The following ZNF219 variants were observed in gnomAD, a reference collection of about 807,000 sequenced individuals.
The protein encoded by ZNF219 is zinc finger protein 219.
ZNF219 carries 17 observed loss-of-function variants against 54.4 expected under a neutral mutation model. That is an observed-to-expected ratio of 0.31 (90% CI 0.21 to 0.47). The LOEUF is 0.47. Among genes scored for constraint, ZNF219 ranks in the 20% least tolerant of loss-of-function variants. The probability of loss-of-function intolerance (pLI) is 1.00; values close to 1 mark genes in which losing one functional copy is unlikely to be tolerated. For missense variants in ZNF219, 1,014 were observed against 1,062.3 expected (o/e 0.95, Z 0.63); for synonymous variants, 518 against 476.4 (o/e 1.09, Z -1.14).
upstream of ZNF219, chr14:21,103,273 G>A (rs1302806887): frequency 6.5e-7 from 1 of 1,548,898 alleles, no homozygotes; most frequent in Non-Finnish European, 8.7e-7. Flanking sequence ...ATGCTCTCCA[G>A]ACATTCCTGC....
Position 21,092,397 on chromosome 14 carries a change from G to T in ZNF219, c.900C>A (p.Phe300Leu). 1 of 1,570,522 alleles carries T rather than the reference G, an allele frequency of 6.4e-7. No homozygotes were observed. The highest frequency in any genetic ancestry group is 8.6e-7 in the Non-Finnish European group (1 of 1,158,206). Residue 300 changes from phenylalanine (F) to leucine (L), a missense_variant, in exon 3 of 5, where the codon TTC becomes TTA. Coordinates refer to ENST00000360947, the MANE Select transcript of ZNF219 (RefSeq NM_016423.3). ...GGCCGCACACCGGACACGCATGATC[G>T]AAGGAGGCCTTGTGCTTACGCATGT... The part of the protein sequence containing the change: ...KGHMRKHKAS[F>L]DHACPVCGRC...
In ZNF219 at chr14:21,090,199, A is replaced by T; in HGVS notation, c.*337T>A. On this transcript the variant is annotated 3_prime_UTR_variant, in exon 5 of 5. Transcript: ENST00000360947. This position sits in a 1 kb window ranked among gnomAD's most constrained non-coding sequence, Gnocchi z 4.4. ...GGGCTAGAAGGGTACAGTGCCCCCC[A>T]CCCTCACCCCTTGTACAAAAATAAA... The T allele has an allele frequency of 1.9e-6, 1 of 530,734 alleles. No homozygotes were observed. Among genetic ancestry groups the T allele is most frequent in the Non-Finnish European group, 3.6e-6 (1 of 275,614 alleles). The allele number at this position is 530,734 out of a possible 1,614,324, so 32.9% of individuals were successfully genotyped here. A position where few individuals can be genotyped will look rare whatever the true frequency, so the allele number is the denominator to read the frequency against.
upstream of ZNF219, chr14:21,101,062 C>A (rs1889596027): frequency 6.2e-6 from 2 of 324,578 alleles, no homozygotes; most frequent in South Asian, 6.2e-5. Context: ...CCCCACCACA[C>A]CCCATCCCTG....
At position 21,091,020 on chromosome 14, in the gene ZNF219, G is replaced by C; in HGVS notation, c.1685C>G (p.Pro562Arg). The C allele has an allele frequency of 2.6e-6, 4 of 1,554,992 alleles. No individual in the cohort carries two copies. Among genetic ancestry groups the C allele is most frequent in the Non-Finnish European group, 3.5e-6 (4 of 1,156,808 alleles). Residue 562 changes from proline (P) to arginine (R), a missense_variant, in exon 5 of 5, where the codon CCG becomes CGG. By Grantham distance (103) the Pro-to-Arg change is moderately radical. Around this residue, in one of 5 missense-constraint regions of ZNF219, gnomAD observed 281 missense variants for 271.2 expected, o/e 1.04. Coordinates refer to ENST00000360947, the MANE Select transcript of ZNF219 (RefSeq NM_016423.3). ...QRSGAGPGPPPEPPPPSQRGS... is the reference protein window; with the variant it reads ...QRSGAGPGPPREPPPPSQRGS... ...CCGCTGGGAAGGAGGCGGTGGCTCC[G>C]GGGGTGGCCCGGGGCCGGCCCCGCT... is the stretch of plus-strand genomic sequence containing the variant.
intron 2 of ZNF219, 49 bp downstream of exon 2, chr14:21,093,537 G>C: frequency 6.3e-7 from 1 of 1,586,308 alleles, no homozygotes. Context: ...GCAGGAGAGG[G>C]AGTATACAGT....
chr14:21,101,654 G>C (rs776055200), upstream of ZNF219: 57 of 651,168 alleles, frequency 8.8e-5, no homozygotes, highest in Middle Eastern at 8.5e-4. Flanking sequence ...ATCTTGTGGG[G>C]GAAAACATAC....
chr14:21,102,960 A>G (rs12432043), upstream of ZNF219: 792,833 of 1,337,828 alleles, frequency 0.59, 237,246 homozygotes, highest in Middle Eastern at 0.62. Flanking sequence ...GGGTAAGAGG[A>G]AACTGGGAAT....
intron 4 of ZNF219, 125 bp from the exon 5 acceptor site, chr14:21,091,265 T>C: frequency 1.3e-6 from 2 of 1,507,880 alleles, no homozygotes; most frequent in Non-Finnish European, 1.8e-6. Flanking sequence ...CCACCCACTT[T>C]GATTTAATAA....
At position 21,090,893 on chromosome 14, in the gene ZNF219, C is replaced by G; in HGVS notation, c.1812G>C (p.Gly604=). 2 of 1,549,970 alleles carry G rather than the reference C, an allele frequency of 1.3e-6. No homozygotes were observed. The highest frequency in any genetic ancestry group is 1.7e-6 in the Non-Finnish European group (2 of 1,150,394). Residue 604 remains glycine (G), a synonymous_variant, in exon 5 of 5, where the codon GGG becomes GGC. Transcript: ENST00000360947. The surrounding 1 kb of genome is among the most constrained non-coding windows in gnomAD (Gnocchi z 4.4). The part of the protein sequence containing the change: ...PRPPSSGAGP[G]SRRKPASPGR... ...CAGGGCTGGCGGGCTTCCGACGGGACCCCGGCCCAGCACCGCTAGAAGGAG... is the reference window on the plus strand; with the variant it reads ...CAGGGCTGGCGGGCTTCCGACGGGAGCCCGGCCCAGCACCGCTAGAAGGAG...
In ZNF219 at chr14:21,090,849, C is replaced by A; in HGVS notation, c.1856G>T (p.Gly619Val). Reference protein sequence around the residue: ...PASPGRTLRNGRGGEAEPLDL... With the variant: ...PASPGRTLRNVRGGEAEPLDL... Reference sequence around the variant, plus strand: ...CAGGGGTTCGGCCTCACCGCCTCGCCCGTTGCGCAGGGTCCTCCCAGGGCT... The same window carrying A: ...CAGGGGTTCGGCCTCACCGCCTCGCACGTTGCGCAGGGTCCTCCCAGGGCT... Residue 619 changes from glycine to valine, a missense_variant, in exon 5 of 5, where the codon GGG (glycine) becomes GTG (valine). By Grantham distance (109) the Gly-to-Val change is moderately radical. Coordinates refer to ENST00000360947, the MANE Select transcript of ZNF219 (RefSeq NM_016423.3). The surrounding 1 kb of genome is among the most constrained non-coding windows in gnomAD (Gnocchi z 4.4). The A allele has an allele frequency of 6.4e-7, 1 of 1,555,174 alleles. No homozygotes were observed. Among genetic ancestry groups the A allele is most frequent in the South Asian group, 1.2e-5 (1 of 84,516 alleles).
upstream of ZNF219, chr14:21,102,812 A>G (rs1263055380): frequency 6.5e-7 from 1 of 1,540,974 alleles, no homozygotes. Context: ...ACGAATAGCT[A>G]GCTGCCAACT....
chr14:21,091,585 C>A, intron 3 of ZNF219, 43 bp from the exon 4 acceptor site: 1 of 1,571,736 alleles, frequency 6.4e-7, no homozygotes, highest in South Asian at 1.1e-5. Flanking sequence ...GGCCCACACC[C>A]TGTCCAGGTG....
chr14:21,093,186 T>A lies in ZNF219; in HGVS notation c.111A>T (p.Ala37=). The A allele has an allele frequency of 1.9e-6, 3 of 1,609,100 alleles. No homozygotes were observed. Among genetic ancestry groups the A allele is most frequent in the Non-Finnish European group, 2.5e-6 (3 of 1,179,380 alleles). ...TCACCGCTCCCATCCCGAGCGACCC[T>A]GCGCTCACGGCTGGCCCGTTGGAGT... is the stretch of plus-strand genomic sequence containing the variant. ...QRYSNGPAVS[A]GSLGMGAVSW... is the part of the protein sequence containing the mutation. The change falls in exon 3 of 5, where the codon GCA becomes GCT. Residue 37 remains alanine (A), a synonymous_variant. Transcript: ENST00000360947.
rs761881972 is a variant in ZNF219, at chr14:21,093,236, C to T, written c.61G>A (p.Asp21Asn). 6.2e-7 allele frequency: 1 copy of T among 1,601,256 alleles called. No homozygotes were observed. The highest frequency in any genetic ancestry group is 1.7e-5 in the Admixed American group (1 of 59,548). ...GHLAPSPPAF[D>N]GELDLQRYSN... ...TATCGCTGCAGATCCAGCTCGCCGT[C>T]GAAAGCCGGCGGCGACGGCGCTAAG... The change falls in exon 3 of 5, where the codon GAC (aspartate) becomes AAC (asparagine). Residue 21 changes from aspartate to asparagine, a missense_variant. By Grantham distance (23) the Asp-to-Asn change is conservative. Around this residue, in one of 5 missense-constraint regions of ZNF219, gnomAD observed 395 missense variants for 415.1 expected, o/e 0.95. Coordinates refer to ENST00000360947, the MANE Select transcript of ZNF219 (RefSeq NM_016423.3).
Position 21,092,417 on chromosome 14 carries a change from G to A in ZNF219, c.880C>T (p.Arg294Cys). The A allele has an allele frequency of 1.9e-6, 3 of 1,566,424 alleles. No individual in the cohort carries two copies. Among genetic ancestry groups the A allele is most frequent in the Non-Finnish European group, 2.6e-6 (3 of 1,155,770 alleles). The change falls in exon 3 of 5, where the codon CGT (arginine) becomes TGT (cysteine). Residue 294 changes from arginine to cysteine, a missense_variant. Coordinates refer to ENST00000360947, the MANE Select transcript of ZNF219 (RefSeq NM_016423.3). The part of the protein sequence containing the change: ...TQSWFLKGHM[R>C]KHKASFDHAC... ...TGATCGAAGGAGGCCTTGTGCTTACGCATGTGGCCCTTGAGAAACCAAGAC... is the reference window on the plus strand; with the variant it reads ...TGATCGAAGGAGGCCTTGTGCTTACACATGTGGCCCTTGAGAAACCAAGAC...
rs373141232 is a variant in ZNF219, at chr14:21,091,836, T to C, written c.1432+29A>G. On this transcript the variant is annotated intron_variant, in intron 3 of 4. Coordinates refer to ENST00000360947, the MANE Select transcript of ZNF219 (RefSeq NM_016423.3). ...GTAAGAGTCAGAGGAGGACGCGGCG[T>C]ACCCGGAGAGCGGAGGGTACCTACA... 27 of 1,492,912 alleles carry C rather than the reference T, an allele frequency of 1.8e-5. No homozygotes were observed. In the African/African-American group the frequency reaches 3.5e-4, roughly 20 times the overall value. The allele number at this position is 1,492,912 out of a possible 1,614,324, so 92.5% of individuals were successfully genotyped here.
At chr14:21,103,488 A>C (rs1594614700), upstream of ZNF219, 3 of 579,670 alleles carry the variant, frequency 5.2e-6, no homozygotes, top group South Asian at 2.3e-5. Context: ...TCTTCCTGTC[A>C]CCTCCCCATA....
rs1347779356 is a variant in ZNF219 at position 21,091,433 on chromosome 14, T to G, written c.1542A>C (p.Lys514Asn). The change falls in exon 4 of 5, where the codon AAA becomes AAC. Residue 514 changes from lysine (K) to asparagine (N), a missense_variant. Around this residue, in one of 5 missense-constraint regions of ZNF219, gnomAD observed 38 missense variants for 67.3 expected, o/e 0.56. Coordinates refer to ENST00000360947, the MANE Select transcript of ZNF219 (RefSeq NM_016423.3). ...CACCTGTGTGCACTCGCAGATGCAC[T>G]TTGAGGTGATGTGCTGAGCGGAAAG... Reference protein sequence around the residue: ...GKSFRSAHHLKVHLRVHTGER... With the variant: ...GKSFRSAHHLNVHLRVHTGER... 6.2e-7 allele frequency: 1 copy of G among 1,605,028 alleles called. No homozygotes were observed. Among genetic ancestry groups the G allele is most frequent in the Non-Finnish European group, 8.5e-7 (1 of 1,172,804 alleles).
chr14:21,093,444 TG>T, intron 2 of ZNF219, 141 bp downstream of exon 2: 7 of 1,402,822 alleles, frequency 5.0e-6, no homozygotes, highest in Non-Finnish European at 6.9e-6. Context: ...GAAGATGGGG[TG>T]GGGGGAGGTG....
Sources: gnomAD v4.1 joint callset for allele counts on GRCh38, gnomAD v4.1.1 for gene constraint, gnomAD v4.1.1 regional missense constraint, Gnocchi (gnomAD v3.1) non-coding constraint, MANE v1.5 for transcripts, NCBI Gene and HGNC (gene_info 2026-07-23, HGNC 2026-07-21) for gene names.